Variants in CDK19 observed in about 807,000 individuals in gnomAD.
CDK19 encodes cyclin dependent kinase 19.
A neutral mutation model predicts 68.3 loss-of-function variants in CDK19; 20 were observed. That is an observed-to-expected ratio of 0.29 (90% CI 0.21 to 0.43). The LOEUF is 0.43. Among genes scored for constraint, CDK19 ranks in the 20% least tolerant of loss-of-function variants. The pLI is 1.00. For synonymous variants in CDK19, 221 were observed against 222.8 expected (o/e 0.99, Z 0.07); for missense variants, 339 against 623.5 (o/e 0.54, Z 4.86).
chr6:110,635,256 T>A (rs942405827), intron 5 of CDK19, among the ~76,000 whole-genome samples: 2 of 152,192 alleles, frequency 1.3e-5, no homozygotes, highest in Non-Finnish European at 2.9e-5. Context: ...AGGAAGTTGT[T>A]ACCGGTTTCT....
intron 2 of CDK19, among the ~76,000 whole-genome samples, chr6:110,676,306 A>G (rs1251187870): frequency 1.3e-5 from 2 of 152,206 alleles, no homozygotes; most frequent in African/African-American, 4.8e-5. Context: ...GGGCAAAGAA[A>G]GTGATTTCCT....
At chr6:110,626,592 C>A (rs1184937911) in intron 8 of CDK19, among the ~76,000 whole-genome samples, 184 bp downstream of exon 8, 1 of 152,182 alleles carries the variant, frequency 6.6e-6, no homozygotes, top group African/African-American at 2.4e-5. Context: ...GACACAGCAA[C>A]AAGGTGTCAC....
At chr6:110,664,999 A>G (rs550901110) in intron 4 of CDK19, among the ~76,000 whole-genome samples, 1 of 152,356 alleles carries the variant, frequency 6.6e-6, no homozygotes, top group East Asian at 1.9e-4. Flanking sequence ...AGTAAAGTAT[A>G]CATGAAAGAT....
At chr6:110,813,343 T>C (rs1400938184) in intron 1 of CDK19, 1 of 152,160 alleles carries the variant, frequency 6.6e-6, no homozygotes, top group Non-Finnish European at 1.5e-5. Context: ...AGATACATTT[T>C]TTAAAACCAA....
chr6:110,789,433 C>G (rs1781448827), intron 1 of CDK19, among the ~76,000 whole-genome samples: 1 of 152,144 alleles, frequency 6.6e-6, no homozygotes, highest in Non-Finnish European at 1.5e-5. Context: ...CATGCACCAC[C>G]ACGCCCAGCT....
At chr6:110,762,524 C>G (rs559624797) in intron 1 of CDK19, among the ~76,000 whole-genome samples, 7 of 152,090 alleles carry the variant, frequency 4.6e-5, no homozygotes, top group Non-Finnish European at 8.8e-5. Context: ...AGTCACACAG[C>G]GAATAGGTTA....
At position 110,664,300 on chromosome 6, in the gene CDK19, C is replaced by T. The variant is rs566017281; in HGVS notation, c.456+3134G>A. Reference sequence around the variant, plus strand: ...CATCCTTCAAAGTCCAGCTCAAATGCAACCTGCTCTTTCAAACTTACCCTT... The same window carrying T: ...CATCCTTCAAAGTCCAGCTCAAATGTAACCTGCTCTTTCAAACTTACCCTT... On this transcript the variant is annotated intron_variant, in intron 4 of 12. Coordinates refer to ENST00000368911, the MANE Select transcript of CDK19 (RefSeq NM_015076.5). Among the ~76,000 whole-genome samples the T allele has an allele frequency of 2.8e-4, 42 of 152,320 alleles. No homozygotes were observed. In the South Asian group the frequency reaches 7.9e-3, roughly 29 times the overall value.
intron 1 of CDK19, among the ~76,000 whole-genome samples, chr6:110,753,546 A>ATT (rs373536633): frequency 7.4e-6 from 1 of 134,332 alleles, no homozygotes; most frequent in Non-Finnish European, 1.6e-5. Flanking sequence ...CCACACCTGG[A>ATT]TTTTTTTTTT....
chr6:110,637,614 C>T (rs975679972), intron 5 of CDK19, among the ~76,000 whole-genome samples: 2 of 152,186 alleles, frequency 1.3e-5, no homozygotes, highest in African/African-American at 2.4e-5. Flanking sequence ...GCAAAGAAAC[C>T]AGGCTGATTA....
chr6:110,755,319 C>T (rs1032115533), intron 1 of CDK19, among the ~76,000 whole-genome samples: 3 of 152,186 alleles, frequency 2.0e-5, no homozygotes, highest in East Asian at 1.9e-4. Context: ...GGATTATAGG[C>T]GTGAGCCACC....
chr6:110,737,815 T>C (rs1419557986), intron 2 of CDK19, among the ~76,000 whole-genome samples: 4 of 152,076 alleles, frequency 2.6e-5, no homozygotes, highest in African/African-American at 4.8e-5. Context: ...TCACCATATA[T>C]TGCAAGGAAA....
intron 2 of CDK19, among the ~76,000 whole-genome samples, chr6:110,691,961 A>T (rs114010791): frequency 0.049 from 7,137 of 144,650 alleles, 180 homozygotes; most frequent in Middle Eastern, 0.081. Flanking sequence ...TCTCTATTTT[A>T]AAAAAAAAAG....
intron 2 of CDK19, among the ~76,000 whole-genome samples, chr6:110,711,263 GA>G (rs1445552457): frequency 3.3e-5 from 5 of 152,286 alleles, no homozygotes; most frequent in Admixed American, 3.3e-4. Context: ...TTTCTGTAGA[GA>G]GGGGTTAACA....
chr6:110,744,749 T>C (rs1380683770), intron 2 of CDK19, among the ~76,000 whole-genome samples: 1 of 152,090 alleles, frequency 6.6e-6, no homozygotes, highest in Non-Finnish European at 1.5e-5. Context: ...TTAAAGAAGG[T>C]ATGATTAGAA....
chr6:110,620,978 A>G, intron 12 of CDK19, 126 bp downstream of exon 12: 2 of 815,922 alleles, frequency 2.5e-6, no homozygotes, highest in Non-Finnish European at 3.8e-6. Flanking sequence ...CTCTTCATAG[A>G]ATGCCCTAGA....
chr6:110,618,989 T>C (rs1033776594), intron 12 of CDK19, among the ~76,000 whole-genome samples: 1 of 152,178 alleles, frequency 6.6e-6, no homozygotes, highest in African/African-American at 2.4e-5. Flanking sequence ...CTTTTGTGAG[T>C]TGATTTTTCA....
At chr6:110,807,116 A>G (rs1236016366) in intron 1 of CDK19, among the ~76,000 whole-genome samples, 1 of 151,840 alleles carries the variant, frequency 6.6e-6, no homozygotes, top group Non-Finnish European at 1.5e-5. Context: ...ACTGAGAGAC[A>G]TAGCAAGACC....
chr6:110,726,392 T>C (rs1776316794), intron 2 of CDK19, among the ~76,000 whole-genome samples: 1 of 152,158 alleles, frequency 6.6e-6, no homozygotes, highest in African/African-American at 2.4e-5. Context: ...CTATCTCTAT[T>C]CATAGTCCTA....
chr6:110,748,850 T>C (rs1778257591), intron 1 of CDK19, among the ~76,000 whole-genome samples: 1 of 152,250 alleles, frequency 6.6e-6, no homozygotes, highest in Non-Finnish European at 1.5e-5. Flanking sequence ...TTCAGGCACA[T>C]GTAATATTAA....
Sources: allele counts gnomAD v4.1 joint callset (sites outside exome capture counted in the v4.1 genomes callset), GRCh38; gene constraint gnomAD v4.1.1; transcripts MANE v1.5; gene names NCBI Gene and HGNC (gene_info 2026-07-23, HGNC 2026-07-21).